The following PITPNC1 variants were observed in gnomAD, a reference collection of about 807,000 sequenced individuals.
PITPNC1 encodes the protein cytoplasmic phosphatidylinositol transfer protein 1.
A neutral mutation model predicts 44.7 loss-of-function variants in PITPNC1; 18 were observed. The observed-to-expected ratio is 0.40, with a 90% CI of 0.28 to 0.60. The LOEUF is 0.60. Ranked by LOEUF, PITPNC1 falls within the 20% of genes least tolerant of loss-of-function variation. The pLI, the probability that PITPNC1 is intolerant of heterozygous loss-of-function variation, is 0.39. For synonymous variants in PITPNC1, 141 were observed against 149.6 expected, an observed-to-expected ratio of 0.94 and a Z score of 0.42; for missense variants, 290 against 418.4, an observed-to-expected ratio of 0.69 and a Z score of 2.68.
At chr17:67,499,093 C>T (rs1021878615) in intron 1 of PITPNC1, among the ~76,000 whole-genome samples, 1 of 151,534 alleles carries the variant, frequency 6.6e-6, no homozygotes, top group Non-Finnish European at 1.5e-5. Context: ...AGGCTGGTCT[C>T]GAACTCCTGA....
intron 5 of PITPNC1, among the ~76,000 whole-genome samples, chr17:67,594,598 A>G (rs1336513988): frequency 2.0e-5 from 3 of 152,164 alleles, no homozygotes; most frequent in Non-Finnish European, 4.4e-5. Flanking sequence ...GGTTTCAGAC[A>G]CAGTCCTTCC....
intron 6 of PITPNC1, among the ~76,000 whole-genome samples, chr17:67,647,757 A>T (rs2042168911): frequency 6.6e-6 from 1 of 152,136 alleles, no homozygotes; most frequent in Admixed American, 6.6e-5. Context: ...TTCACACAGT[A>T]GTTACTGGAG....
chr17:67,382,500 G>A (rs138514487), intron 1 of PITPNC1, among the ~76,000 whole-genome samples: 105 of 152,242 alleles, frequency 6.9e-4, no homozygotes, highest in African/African-American at 2.5e-3. Flanking sequence ...CTCAATATAA[G>A]CCTGTTGGAA....
intron 1 of PITPNC1, among the ~76,000 whole-genome samples, chr17:67,509,304 C>T (rs941083470): frequency 6.6e-5 from 10 of 151,736 alleles, no homozygotes; most frequent in South Asian, 2.1e-4. Flanking sequence ...AAGGCCAAGG[C>T]GGGCGGATCA....
intron 1 of PITPNC1, among the ~76,000 whole-genome samples, chr17:67,430,687 T>G (rs898302514): frequency 6.7e-6 from 1 of 148,834 alleles, no homozygotes; most frequent in Non-Finnish European, 1.5e-5. Flanking sequence ...GGCGTGGTGG[T>G]GCACACCTGT....
chr17:67,572,468 CGG>C (rs34297453), intron 4 of PITPNC1, among the ~76,000 whole-genome samples: 1,423 of 48,946 alleles, frequency 0.029, 47 homozygotes, highest in African/African-American at 0.085. Flanking sequence ...CTGGGTAAAG[CGG>C]GGGGGGGGGG....
At chr17:67,449,439 C>T (rs186024624) in intron 1 of PITPNC1, among the ~76,000 whole-genome samples, 66 of 152,244 alleles carry the variant, frequency 4.3e-4, no homozygotes, top group Non-Finnish European at 6.8e-4. Flanking sequence ...GCCTTGCTGA[C>T]GACCCGAGAT....
intron 5 of PITPNC1, among the ~76,000 whole-genome samples, chr17:67,580,383 T>C (rs2041213293): frequency 6.6e-6 from 1 of 152,162 alleles, no homozygotes; most frequent in African/African-American, 2.4e-5. Context: ...TCTCGCTCTG[T>C]CACCCAGGCT....
intron 1 of PITPNC1, among the ~76,000 whole-genome samples, chr17:67,468,859 G>A (rs530749548): frequency 1.7e-5 from 2 of 117,570 alleles, no homozygotes; most frequent in South Asian, 4.8e-4. Flanking sequence ...CTCCCAAGTA[G>A]CTGGGATCAC....
chr17:67,550,019 C>T (rs1345193938), intron 2 of PITPNC1, among the ~76,000 whole-genome samples: 4 of 152,148 alleles, frequency 2.6e-5, no homozygotes, highest in Non-Finnish European at 4.4e-5. Flanking sequence ...TTCCTGCACG[C>T]GAGCCAGTGT....
At chr17:67,490,802 C>T (rs952590200) in intron 1 of PITPNC1, among the ~76,000 whole-genome samples, 4 of 152,152 alleles carry the variant, frequency 2.6e-5, no homozygotes, top group East Asian at 1.9e-4. Flanking sequence ...TGAACGTCAG[C>T]GCCTCTGTCC....
intron 1 of PITPNC1, among the ~76,000 whole-genome samples, chr17:67,389,478 G>A (rs1009650367): frequency 6.6e-6 from 1 of 152,192 alleles, no homozygotes; most frequent in African/African-American, 2.4e-5. Flanking sequence ...CTCTGTGCCG[G>A]GTGCTAGGCC....
At position 67,547,307 on chromosome 17, in the gene PITPNC1, G is replaced by A. The variant is rs149397777; in HGVS notation, c.198-4950G>A. 5.1e-3 allele frequency among the ~76,000 whole-genome samples: 782 copies of A among 152,244 alleles called. 7 individuals are homozygous for A. Among genetic ancestry groups the A allele is most frequent in the Middle Eastern group, 0.01 (3 of 294 alleles). On this transcript the variant is annotated intron_variant, in intron 2 of 8. Coordinates refer to ENST00000581322, the MANE Select transcript of PITPNC1 (RefSeq NM_012417.4). ...AGATGGGAGGATTGCTTGAGCCCAGGAGTTTGATTCCAGTCTGGGCAACAT... is the reference window on the plus strand; with the variant it reads ...AGATGGGAGGATTGCTTGAGCCCAGAAGTTTGATTCCAGTCTGGGCAACAT...
chr17:67,497,206 ATAT>A (rs1368968412), intron 1 of PITPNC1, among the ~76,000 whole-genome samples: 1 of 151,622 alleles, frequency 6.6e-6, no homozygotes, highest in Non-Finnish European at 1.5e-5. Flanking sequence ...CACACAAGAC[ATAT>A]TATTATAAAC....
At chr17:67,379,019 T>G (rs867626455) in intron 1 of PITPNC1, 1 of 985,480 alleles carries the variant, frequency 1.0e-6, no homozygotes, top group African/African-American at 1.7e-5. Context: ...AGCCGCGAGC[T>G]CCAGTATTCA....
chr17:67,466,735 C>G (rs1023289919), intron 1 of PITPNC1, among the ~76,000 whole-genome samples: 27 of 152,124 alleles, frequency 1.8e-4, no homozygotes, highest in African/African-American at 6.5e-4. Flanking sequence ...GAACAGGACC[C>G]TCTGGGAGTC....
chr17:67,667,251 G>A (rs1389266285), intron 6 of PITPNC1, among the ~76,000 whole-genome samples: 1 of 152,080 alleles, frequency 6.6e-6, no homozygotes, highest in Non-Finnish European at 1.5e-5. Context: ...AAAACTGGCT[G>A]GGCCCGGTGA....
intron 6 of PITPNC1, among the ~76,000 whole-genome samples, chr17:67,650,924 A>G (rs560848844): frequency 5.9e-4 from 90 of 152,228 alleles, no homozygotes; most frequent in Non-Finnish European, 1.1e-3. Flanking sequence ...CTTTCTACAC[A>G]TCAGATGCAC....
intron 8 of PITPNC1, among the ~76,000 whole-genome samples, chr17:67,691,642 G>A (rs1393044502): frequency 2.6e-5 from 4 of 152,204 alleles, no homozygotes; most frequent in African/African-American, 9.7e-5. Flanking sequence ...TCGACACACA[G>A]TCAGGAAACC....
Sources: gnomAD v4.1 joint callset for allele counts (sites outside exome capture counted in the v4.1 genomes callset) on GRCh38, gnomAD v4.1.1 for gene constraint, MANE v1.5 for transcripts, NCBI Gene and HGNC (gene_info 2026-07-23, HGNC 2026-07-21) for gene names.